R3HDM2: variants seen among roughly 807,000 people sequenced by gnomAD.
The protein encoded by R3HDM2 is R3H domain containing 2.
In R3HDM2, 38 loss-of-function variants were observed where a neutral mutation model predicts 124.5. That is an observed-to-expected ratio of 0.31 (90% CI 0.24 to 0.40). The LOEUF (loss-of-function observed/expected upper bound fraction) is 0.40, where lower values mean the gene tolerates loss of function less well. R3HDM2 is among the 10% of genes least tolerant of loss of function. R3HDM2 has a pLI of 1.00. For missense variants in R3HDM2, 869 were observed against 1,236.9 expected (o/e 0.70, Z 4.46); for synonymous variants, 391 against 448.0 (o/e 0.87, Z 1.61).
intron 2 of R3HDM2, among the ~76,000 whole-genome samples, chr12:57,386,608 C>A (rs868257507): frequency 6.6e-6 from 1 of 152,236 alleles, no homozygotes; most frequent in African/African-American, 2.4e-5. Context: ...GCCCCCTGCT[C>A]CACCGCGCCC....
chr12:57,386,297 C>T (rs1191862201), intron 2 of R3HDM2, among the ~76,000 whole-genome samples: 4 of 152,130 alleles, frequency 2.6e-5, no homozygotes, highest in African/African-American at 4.8e-5. Context: ...CCTCAGCTTG[C>T]GGGGAGGTGT....
intron 19 of R3HDM2, among the ~76,000 whole-genome samples, chr12:57,264,525 T>C (rs112074819): frequency 6.6e-6 from 1 of 151,604 alleles, no homozygotes; most frequent in Admixed American, 6.6e-5. Flanking sequence ...TGAGCCGAGA[T>C]TGCACCACTG....
intron 12 of R3HDM2, among the ~76,000 whole-genome samples, chr12:57,288,394 C>CTA (rs1460775493): frequency 1.3e-5 from 2 of 151,568 alleles, no homozygotes; most frequent in African/African-American, 4.9e-5. Flanking sequence ...CTCTCTCTCT[C>CTA]TCTATATATA....
chr12:57,288,797 T>C, intron 12 of R3HDM2: 1 of 1,424,944 alleles, frequency 7.0e-7, no homozygotes, highest in Non-Finnish European at 9.6e-7. Flanking sequence ...CTGAAAAGAT[T>C]ACAGCAAAAC....
intron 2 of R3HDM2, among the ~76,000 whole-genome samples, chr12:57,379,575 C>T (rs962613463): frequency 1.3e-5 from 2 of 150,920 alleles, no homozygotes; most frequent in Non-Finnish European, 3.0e-5. Flanking sequence ...AGCGAAAATC[C>T]GTCTCAAAAA....
intron 2 of R3HDM2, among the ~76,000 whole-genome samples, chr12:57,358,146 T>C (rs1253089508): frequency 0.029 from 1 of 34 alleles, no homozygotes; most frequent in Non-Finnish European, 0.17. Flanking sequence ...GCCCAGCTAA[T>C]TTTTTTTTTT....
intron 14 of R3HDM2, among the ~76,000 whole-genome samples, chr12:57,279,152 C>A (rs980207148): frequency 2.0e-5 from 3 of 149,176 alleles, no homozygotes; most frequent in Non-Finnish European, 4.4e-5. Flanking sequence ...GATCTCAGCA[C>A]AGCTCTGCTC....
chr12:57,283,864 G>A lies in R3HDM2; in HGVS notation c.1131C>T (p.Gly377=). ...ISILTRGDSI[G]SSKGGSAGRI... ...TTCCCGCACTGCCGCCTTTACTGCT[G>A]CCGATGCTGTCACCTCGGGTAAGGA... The change falls in exon 13 of 24, where the codon GGC becomes GGT. Residue 377 remains glycine (G), a synonymous_variant. Transcript: ENST00000402412. 6.2e-7 allele frequency: 1 copy of A among 1,614,214 alleles called. No homozygotes were observed.
In R3HDM2 at chr12:57,303,164, A is replaced by C. The variant is rs79813486; in HGVS notation, c.207+12T>G. 1,629 of 1,501,074 alleles carry C rather than the reference A, an allele frequency of 1.1e-3. 21 individuals are homozygous for C. The East Asian group carries it at 0.029, about 26-fold the overall frequency. 93.0% of individuals were successfully genotyped at this position (1,501,074 alleles called of 1,614,324 possible). On this transcript the variant is annotated intron_variant, in intron 4 of 23. Transcript: ENST00000402412. Reference sequence around the variant, plus strand: ...ATAACATTAGAAAAGAAGCTAGAGGAAGGGCTCTCACCTTGGCTCTTTTCC... The same window carrying C: ...ATAACATTAGAAAAGAAGCTAGAGGCAGGGCTCTCACCTTGGCTCTTTTCC...
intron 2 of R3HDM2, among the ~76,000 whole-genome samples, chr12:57,321,667 A>C (rs1272151460): frequency 6.6e-6 from 1 of 151,932 alleles, no homozygotes; most frequent in Admixed American, 6.6e-5. Flanking sequence ...ATAAAACAAA[A>C]CAAAACAAAA....
At chr12:57,429,162 G>A (rs1868930442) in intron 1 of R3HDM2, among the ~76,000 whole-genome samples, 1 of 152,124 alleles carries the variant, frequency 6.6e-6, no homozygotes, top group South Asian at 2.1e-4. Context: ...TGAGGCCAGA[G>A]GATCACTTGA....
chr12:57,401,115 T>C (rs1245714146), intron 1 of R3HDM2, among the ~76,000 whole-genome samples: 2 of 151,562 alleles, frequency 1.3e-5, no homozygotes, highest in Admixed American at 6.6e-5. Flanking sequence ...AATAAAGAAC[T>C]ATGCCCATGT....
At chr12:57,336,866 A>G (rs2058917311) in intron 2 of R3HDM2, among the ~76,000 whole-genome samples, 1 of 151,964 alleles carries the variant, frequency 6.6e-6, no homozygotes, top group Non-Finnish European at 1.5e-5. Flanking sequence ...AAAGGTTTCT[A>G]GAGCTAGGCA....
intron 3 of R3HDM2, chr12:57,305,616 G>A (rs944030777): frequency 2.3e-5 from 9 of 398,814 alleles, no homozygotes; most frequent in African/African-American, 1.9e-4. Flanking sequence ...GCTACTGGAG[G>A]ATATGGAGAT....
At chr12:57,424,823 G>T (rs1432305957) in intron 1 of R3HDM2, among the ~76,000 whole-genome samples, 1 of 152,054 alleles carries the variant, frequency 6.6e-6, no homozygotes, top group Non-Finnish European at 1.5e-5. Context: ...TCCCGCCTCA[G>T]ATTCCCAAAG....
At chr12:57,332,977 C>A (rs895616827) in intron 2 of R3HDM2, among the ~76,000 whole-genome samples, 1 of 152,152 alleles carries the variant, frequency 6.6e-6, no homozygotes, top group Non-Finnish European at 1.5e-5. Context: ...AAGAATAAGA[C>A]CCACCATAAT....
At chr12:57,311,560 A>G (rs959217248) in intron 2 of R3HDM2, among the ~76,000 whole-genome samples, 10 of 151,930 alleles carry the variant, frequency 6.6e-5, no homozygotes, top group African/African-American at 2.2e-4. Flanking sequence ...TTTTGTAGAG[A>G]TGGAGTCTTG....
At chr12:57,275,456 A>G (rs1339751939) in intron 14 of R3HDM2, among the ~76,000 whole-genome samples, 1 of 152,070 alleles carries the variant, frequency 6.6e-6, no homozygotes, top group Non-Finnish European at 1.5e-5. Context: ...AATAAAAACA[A>G]AGATAAATAG....
chr12:57,375,903 ACCTCGTGATCCACCCACCTCGGCCTCCC>A (rs1355266977), intron 2 of R3HDM2, among the ~76,000 whole-genome samples: 19 of 151,926 alleles, frequency 1.3e-4, no homozygotes, highest in Non-Finnish European at 2.6e-4. Context: ...CGATCTCCTG[ACCTCGTGATCCACCCACCTCGGCCTCCC>A]AAAGTGCTGG....
Sources: gnomAD v4.1 joint callset for allele counts (sites outside exome capture counted in the v4.1 genomes callset) on GRCh38, gnomAD v4.1.1 for gene constraint, MANE v1.5 for transcripts, NCBI Gene and HGNC (gene_info 2026-07-23, HGNC 2026-07-21) for gene names.